Variants in DNAH7 observed in about 807,000 individuals in gnomAD.
The protein encoded by DNAH7 is axonemal beta dynein heavy chain 7.
Under a neutral mutation model 444.6 loss-of-function variants are expected in DNAH7, and 397 were observed. The observed-to-expected ratio is 0.89, with a 90% CI of 0.82 to 0.97. The LOEUF (loss-of-function observed/expected upper bound fraction) is 0.97, where lower values mean the gene tolerates loss of function less well. DNAH7 is among the 50% of genes least tolerant of loss of function. DNAH7 has a pLI of 0.00. For synonymous variants in DNAH7, 1,636 were observed against 1,624.4 expected, an observed-to-expected ratio of 1.01 and a Z score of -0.17; for missense variants, 4,902 against 4,800.8, an observed-to-expected ratio of 1.02 and a Z score of -0.62.
intron 19 of DNAH7, among the ~76,000 whole-genome samples, chr2:195,938,475 T>A (rs903490907): frequency 6.6e-6 from 1 of 151,912 alleles, no homozygotes. Context: ...TGGAAAAGTA[T>A]GCCTGTATTT....
chr2:195,756,076 C>G (rs747717290), intron 62 of DNAH7, 57 bp downstream of exon 62: 4 of 1,524,480 alleles, frequency 2.6e-6, no homozygotes, highest in Non-Finnish European at 8.9e-7. Flanking sequence ...AGCATTCTGA[C>G]GAAGAAAATG....
chr2:195,955,659 C>G (rs1227507624), intron 19 of DNAH7, among the ~76,000 whole-genome samples: 2 of 151,964 alleles, frequency 1.3e-5, no homozygotes, highest in African/African-American at 4.8e-5. Flanking sequence ...ACACAGCTGC[C>G]CTTTCAAGGA....
At position 195,754,340 on chromosome 2, in the gene DNAH7, C is replaced by A; in HGVS notation, c.11761G>T (p.Asp3921Tyr). Residue 3921 changes from aspartate (D) to tyrosine (Y), a missense_variant, in exon 63 of 65, where the codon GAT (aspartate) becomes TAT (tyrosine). Physicochemically the swap from Asp to Tyr is radical, Grantham distance 160. Transcript: ENST00000312428. ...EDKEYKHPPE[D>Y]GVFIHGLFLD... The stretch of plus-strand genomic sequence containing the variant: ...CTCATTCTGTCCCTGCACTTACCAT[C>A]CTCAGGAGGATGCTTGTATTCTTTG... 6.2e-7 allele frequency: 1 copy of A among 1,613,682 alleles called. No homozygotes were observed. The highest frequency in any genetic ancestry group is 8.5e-7 in the Non-Finnish European group (1 of 1,179,704).
chr2:195,995,357 C>G, intron 12 of DNAH7: 1 of 514,290 alleles, frequency 1.9e-6, no homozygotes, highest in Non-Finnish European at 3.9e-6. Flanking sequence ...GGCTCAGGAG[C>G]TGAATGAACT....
intron 62 of DNAH7, among the ~76,000 whole-genome samples, chr2:195,754,780 T>G (rs1485921382): frequency 1.3e-5 from 2 of 152,214 alleles, no homozygotes; most frequent in Non-Finnish European, 2.9e-5. Context: ...CCCAGAGTGC[T>G]GGGATTACAG....
chr2:195,907,822 C>T (rs1373492218), intron 25 of DNAH7, among the ~76,000 whole-genome samples: 2 of 152,042 alleles, frequency 1.3e-5, no homozygotes, highest in Admixed American at 1.3e-4. Context: ...GGATTGTACA[C>T]GAACTCTATG....
intron 60 of DNAH7, among the ~76,000 whole-genome samples, chr2:195,773,464 TAA>T (rs55922883): frequency 4.1e-5 from 6 of 146,350 alleles, no homozygotes; most frequent in Admixed American, 1.4e-4. Context: ...TCAAAAAACG[TAA>T]AAAAAAAAAA....
At chr2:195,828,844 T>C (rs1266508077) in intron 48 of DNAH7, among the ~76,000 whole-genome samples, 2 of 152,068 alleles carry the variant, frequency 1.3e-5, no homozygotes, top group Non-Finnish European at 2.9e-5. Context: ...TAAGGTTTAA[T>C]TTATAGTGCA....
At chr2:195,948,192 T>C (rs541006464) in intron 19 of DNAH7, among the ~76,000 whole-genome samples, 72 of 152,296 alleles carry the variant, frequency 4.7e-4, no homozygotes, top group African/African-American at 1.4e-3. Context: ...TGGATATTAG[T>C]CCTTTGTCAG....
At chr2:196,066,436 AT>A (rs1439148682) in intron 1 of DNAH7, among the ~76,000 whole-genome samples, 2 of 152,218 alleles carry the variant, frequency 1.3e-5, no homozygotes, top group Admixed American at 6.5e-5. Context: ...AAATTACTTG[AT>A]TCCATAACTA....
intron 15 of DNAH7, among the ~76,000 whole-genome samples, chr2:195,975,992 T>C (rs536652820): frequency 2.0e-4 from 31 of 152,190 alleles, no homozygotes; most frequent in South Asian, 1.5e-3. Context: ...CATTCACAAC[T>C]GTAGTGGCTA....
intron 49 of DNAH7, among the ~76,000 whole-genome samples, chr2:195,820,535 A>G (rs781512616): frequency 5.7e-4 from 87 of 152,076 alleles, no homozygotes; most frequent in Non-Finnish European, 5.3e-4. Flanking sequence ...ACTACCACAA[A>G]TCATCAGAGG....
chr2:195,942,991 G>A (rs1039941983), intron 19 of DNAH7, among the ~76,000 whole-genome samples: 2 of 152,110 alleles, frequency 1.3e-5, no homozygotes, highest in Non-Finnish European at 2.9e-5. Flanking sequence ...AATCATCGGG[G>A]TGGGTTTTTC....
At chr2:195,778,021 AG>A (rs1463746419) in intron 58 of DNAH7, 36 bp from the exon 59 acceptor site, 2 of 1,551,714 alleles carry the variant, frequency 1.3e-6, no homozygotes, top group Non-Finnish European at 1.7e-6. Context: ...AGTTATCAGT[AG>A]CATGTTATAC....
Position 195,972,359 on chromosome 2 carries a change from T to C in DNAH7, c.1941A>G (p.Pro647=). Residue 647 remains proline, a synonymous_variant, in exon 16 of 65, where the codon CCA becomes CCG. Coordinates refer to ENST00000312428, the MANE Select transcript of DNAH7 (RefSeq NM_018897.3). The part of the protein sequence containing the change: ...AFLIEYVNFS[P]ADMRLNNSVF... Reference sequence around the variant, plus strand: ...CACTATTATTTAGCCTCATGTCTGCTGGAGAAAAGTTGACATACTCGATGA... The same window carrying C: ...CACTATTATTTAGCCTCATGTCTGCCGGAGAAAAGTTGACATACTCGATGA... 1.2e-6 allele frequency: 2 copies of C among 1,614,142 alleles called. No homozygotes were observed. Among genetic ancestry groups the C allele is most frequent in the Non-Finnish European group, 1.7e-6 (2 of 1,179,994 alleles).
intron 49 of DNAH7, among the ~76,000 whole-genome samples, chr2:195,823,469 T>G (rs893144519): frequency 1.8e-4 from 27 of 152,334 alleles, no homozygotes; most frequent in Admixed American, 1.6e-3. Flanking sequence ...CGATCTTTTC[T>G]CTGCCTCTCT....
At chr2:195,780,168 T>G (rs1300745046) in intron 58 of DNAH7, among the ~76,000 whole-genome samples, 1 of 152,138 alleles carries the variant, frequency 6.6e-6, no homozygotes, top group Non-Finnish European at 1.5e-5. Flanking sequence ...CAGAGTATTA[T>G]CATTTAGGAA....
At chr2:196,024,584 T>C in intron 7 of DNAH7, 80 bp from the exon 8 acceptor site, 1 of 738,864 alleles carries the variant, frequency 1.4e-6, no homozygotes, top group South Asian at 2.6e-5. Flanking sequence ...AAGCTAGTTC[T>C]ACTAAGATTA....
intron 11 of DNAH7, 67 bp downstream of exon 11, chr2:196,001,608 T>C: frequency 7.5e-7 from 1 of 1,330,778 alleles, no homozygotes; most frequent in Non-Finnish European, 1.0e-6. Flanking sequence ...GATGTTATTT[T>C]CCTCTCTGAA....
Sources: gnomAD v4.1 joint callset for allele counts (sites outside exome capture counted in the v4.1 genomes callset) on GRCh38, gnomAD v4.1.1 for gene constraint, MANE v1.5 for transcripts, NCBI Gene and HGNC (gene_info 2026-07-23, HGNC 2026-07-21) for gene names.